The following GPHN variants were observed in gnomAD, a reference collection of about 807,000 sequenced individuals.
GPHN encodes the protein gephyrin.
Under a neutral mutation model 95.5 loss-of-function variants are expected in GPHN, and 17 were observed. The observed-to-expected ratio is 0.18, with a 90% CI of 0.12 to 0.27. The LOEUF (loss-of-function observed/expected upper bound fraction) is 0.27. Among genes scored for constraint, GPHN ranks in the 10% least tolerant of loss-of-function variants. The pLI is 1.00. For synonymous variants in GPHN, 320 were observed against 322.5 expected, an observed-to-expected ratio of 0.99 and a Z score of 0.08; for missense variants, 660 against 978.1, an observed-to-expected ratio of 0.67 and a Z score of 4.34.
chr14:67,312,835 A>T, the GPHN span: 6 of 792,252 alleles, frequency 7.6e-6, no homozygotes. Flanking sequence ...TTTTTCGTGT[A>T]GTTGGGTTTT....
the GPHN span, among the ~76,000 whole-genome samples, chr14:67,216,772 A>G: frequency 6.6e-6 from 1 of 152,254 alleles, no homozygotes; most frequent in East Asian, 1.9e-4. Context: ...AATACTTGAT[A>G]AGATTTTGAT....
chr14:67,145,202 C>A lies in GPHN; in HGVS notation c.1836+1753C>A, dbSNP rs1405856. ...CAGGGTTTGTGTCTTGTTATAATTT[C>A]TCTTAGTTTCTGATTAACCTAATTG... On this transcript the variant is annotated intron_variant, in intron 18 of 22. Transcript: ENST00000478722. Among the ~76,000 whole-genome samples, 459 of 152,250 alleles carry A rather than the reference C, an allele frequency of 3.0e-3. 3 individuals are homozygous for A. Among genetic ancestry groups the A allele is most frequent in the African/African-American group, 0.01 (436 of 41,566 alleles).
chr14:67,396,299 C>CGGGGT, the GPHN span, among the ~76,000 whole-genome samples: 2 of 151,630 alleles, frequency 1.3e-5, no homozygotes, highest in Non-Finnish European at 1.5e-5. Context: ...AGACGCCCAC[C>CGGGGT]ACCCCGCCTG....
At chr14:67,332,226 C>T in the GPHN span, among the ~76,000 whole-genome samples, 2 of 152,148 alleles carry the variant, frequency 1.3e-5, no homozygotes, top group African/African-American at 4.8e-5. Context: ...GCCTGCTTAT[C>T]TTTGTAAAAT....
At chr14:67,055,640 C>G (rs1268453421) in intron 10 of GPHN, among the ~76,000 whole-genome samples, 1 of 152,210 alleles carries the variant, frequency 6.6e-6, no homozygotes, top group African/African-American at 2.4e-5. Flanking sequence ...ATAGCAAAGA[C>G]GTGGAATCAA....
At chr14:67,541,840 C>T in the GPHN span, 41 of 1,567,356 alleles carry the variant, frequency 2.6e-5, no homozygotes, top group Non-Finnish European at 3.5e-5. Context: ...TTAGGGCTCC[C>T]CAGAATAATC....
intron 1 of GPHN, among the ~76,000 whole-genome samples, chr14:66,621,197 G>A (rs1031228919): frequency 3.4e-5 from 5 of 148,128 alleles, no homozygotes; most frequent in African/African-American, 1.0e-4. Context: ...GGGTGGTCTC[G>A]ATTTCCTGAC....
At chr14:67,714,470 G>C in the GPHN span, 2 of 152,356 alleles carry the variant, frequency 1.3e-5, no homozygotes, top group South Asian at 4.1e-4. Flanking sequence ...TTTACTCATA[G>C]TTTTATATTC....
the GPHN span, chr14:67,600,280 A>G: frequency 7.8e-7 from 1 of 1,286,908 alleles, no homozygotes; most frequent in East Asian, 2.8e-5. Flanking sequence ...CCCGCTCCAG[A>G]CCCGCTTCCG....
chr14:67,517,754 G>C, the GPHN span, among the ~76,000 whole-genome samples: 1 of 152,158 alleles, frequency 6.6e-6, no homozygotes, highest in Non-Finnish European at 1.5e-5. Context: ...CTCTGGGTAG[G>C]ACAGCTATTT....
chr14:67,381,762 C>CA, the GPHN span: 1 of 825,788 alleles, frequency 1.2e-6, no homozygotes. Context: ...ATCTTTGTTT[C>CA]TTTTTTTTTT....
At chr14:66,920,811 A>G (rs2066178085) in intron 6 of GPHN, among the ~76,000 whole-genome samples, 1 of 152,140 alleles carries the variant, frequency 6.6e-6, no homozygotes, top group African/African-American at 2.4e-5. Flanking sequence ...TTGCGTCCTC[A>G]TAGCTTAGCT....
the GPHN span, among the ~76,000 whole-genome samples, chr14:67,308,302 A>AAACCAAAC: frequency 6.7e-6 from 1 of 148,400 alleles, no homozygotes; most frequent in African/African-American, 2.5e-5. Context: ...GAAAAGGGAA[A>AAACCAAAC]AACCAAACTT....
chr14:66,619,513 A>G (rs1157543093), intron 1 of GPHN, among the ~76,000 whole-genome samples: 1 of 148,688 alleles, frequency 6.7e-6, no homozygotes, highest in Non-Finnish European at 1.5e-5. Flanking sequence ...CCATATGTAT[A>G]TCTTTTTTTT....
In GPHN at chr14:66,541,040, C is replaced by T. The variant is rs564227716; in HGVS notation, c.64+32449C>T. Among the ~76,000 whole-genome samples, 103 of 151,210 alleles carry T rather than the reference C, an allele frequency of 6.8e-4. 1 individual carries two copies. Among genetic ancestry groups the T allele is most frequent in the African/African-American group, 2.3e-3 (96 of 41,246 alleles). On this transcript the variant is annotated intron_variant, in intron 1 of 22. Coordinates refer to ENST00000478722, the MANE Select transcript of GPHN (RefSeq NM_020806.5). ...TTGGCTCACTGCAACCTCTGCCTCC[C>T]GGGTTCAAGTGATTCTCGTGCCTCA...
intron 8 of GPHN, among the ~76,000 whole-genome samples, chr14:66,944,948 G>C (rs2067656488): frequency 6.6e-6 from 1 of 152,244 alleles, no homozygotes; most frequent in Non-Finnish European, 1.5e-5. Context: ...GCCTGCAGCT[G>C]TTGGGATGAG....
intron 5 of GPHN, among the ~76,000 whole-genome samples, chr14:66,911,351 G>A (rs542387750): frequency 6.6e-6 from 1 of 152,008 alleles, no homozygotes; most frequent in South Asian, 2.1e-4. Flanking sequence ...TTACCAGGAT[G>A]ATTGTACAAC....
In GPHN at chr14:66,647,079, A is replaced by AT. The variant is rs11365157; in HGVS notation, c.65-34019dup. ...ACCTGGCTTTTTTTTTTTTTTTAAT[A>AT]TTTTTTTTTAAAGTCAGGGTCTCAC... On this transcript the variant is annotated intron_variant, in intron 1 of 22. Transcript: ENST00000478722. Among the ~76,000 whole-genome samples, 13 of 141,046 alleles carry AT rather than the reference A, an allele frequency of 9.2e-5. No individual in the cohort carries two copies. In the South Asian group the frequency reaches 1.4e-3, roughly 15 times the overall value. The allele number at this position is 141,046 out of a possible 152,430, so 92.5% of individuals were successfully genotyped here.
intron 1 of GPHN, among the ~76,000 whole-genome samples, chr14:66,529,183 ATCTTG>A (rs2058813494): frequency 1.3e-5 from 2 of 150,788 alleles, no homozygotes; most frequent in Admixed American, 6.6e-5. Flanking sequence ...TTTTTTTCTA[ATCTTG>A]TCTTCATGTT....
Sources: allele counts gnomAD v4.1 joint callset (sites outside exome capture counted in the v4.1 genomes callset), GRCh38; gene constraint gnomAD v4.1.1; transcripts MANE v1.5; gene names NCBI Gene and HGNC (gene_info 2026-07-23, HGNC 2026-07-21).